Variants in GOLGA4 observed in about 807,000 individuals in gnomAD.
GOLGA4 encodes the protein golgin subfamily A member 4.
In GOLGA4, 169 loss-of-function variants were observed where a neutral mutation model predicts 265.9. The observed-to-expected ratio is 0.64, with a 90% confidence interval of 0.56 to 0.72. GOLGA4 has a LOEUF of 0.72. GOLGA4 is among the 30% of genes least tolerant of loss of function. GOLGA4 has a pLI of 0.00. For missense variants in GOLGA4, 2,482 were observed against 2,483.4 expected, an observed-to-expected ratio of 1.00 and a Z score of 0.01; for synonymous variants, 923 against 855.8, an observed-to-expected ratio of 1.08 and a Z score of -1.37.
At chr3:37,360,081 T>C (rs1318128326) in intron 22 of GOLGA4, among the ~76,000 whole-genome samples, 1 of 152,218 alleles carries the variant, frequency 6.6e-6, no homozygotes, top group Non-Finnish European at 1.5e-5. Flanking sequence ...GTTTGGGGAA[T>C]ATCTCCATGT....
chr3:37,292,381 A>C (rs1042955561), intron 5 of GOLGA4, among the ~76,000 whole-genome samples: 2 of 152,108 alleles, frequency 1.3e-5, no homozygotes, highest in African/African-American at 4.8e-5. Flanking sequence ...TATTGCCATT[A>C]TTTCATTAAA....
At chr3:37,364,489 G>A (rs1231671002) in intron 23 of GOLGA4, among the ~76,000 whole-genome samples, 1 of 151,788 alleles carries the variant, frequency 6.6e-6, no homozygotes, top group African/African-American at 2.4e-5. Flanking sequence ...TGATCCACCT[G>A]CCTTGGCCTC....
At position 37,281,879 on chromosome 3, in the gene GOLGA4, G is replaced by T. The variant is rs557723083; in HGVS notation, c.163-79G>T. The T allele has an allele frequency of 4.7e-5, 45 of 950,752 alleles. No individual in the cohort carries two copies. The South Asian group carries it at 7.0e-4, about 15-fold the overall frequency. 58.9% of individuals were successfully genotyped at this position (950,752 alleles called of 1,614,324 possible). On this transcript the variant is annotated intron_variant, in intron 2 of 23. Coordinates refer to ENST00000361924, the MANE Select transcript of GOLGA4 (RefSeq NM_002078.5). ...ATTCAACTTGTTAGAACTTTTATTA[G>T]ATTATTGCTGGTGATGGGGTAATGG...
chr3:37,243,910 C>T, intron 1 of GOLGA4: 1 of 444,362 alleles, frequency 2.3e-6, no homozygotes, highest in Non-Finnish European at 4.0e-6. Flanking sequence ...GGCCAGAGTC[C>T]GAACTTGCAT....
chr3:37,292,740 A>T (rs1053254441), intron 5 of GOLGA4, among the ~76,000 whole-genome samples: 1 of 152,192 alleles, frequency 6.6e-6, no homozygotes, highest in Non-Finnish European at 1.5e-5. Flanking sequence ...TCCCAGGATA[A>T]AGTAACAGCT....
chr3:37,285,991 T>C (rs2096847453), intron 3 of GOLGA4, 23 bp from the exon 4 acceptor site: 1 of 1,419,482 alleles, frequency 7.0e-7, no homozygotes, highest in African/African-American at 1.4e-5. Flanking sequence ...GAATGACTAA[T>C]GTTGTTGATG....
intron 10 of GOLGA4, among the ~76,000 whole-genome samples, chr3:37,314,642 A>AACAC (rs60890140): frequency 0.07 from 9,780 of 138,934 alleles, 521 homozygotes; most frequent in African/African-American, 0.14. Flanking sequence ...CTCCGTCTCA[A>AACAC]ACACACACAC....
intron 21 of GOLGA4, among the ~76,000 whole-genome samples, chr3:37,349,041 T>G (rs1174473731): frequency 6.6e-6 from 1 of 152,154 alleles, no homozygotes; most frequent in Non-Finnish European, 1.5e-5. Flanking sequence ...AGTAGTGCTC[T>G]CTCTCCTCTT....
At position 37,327,728 on chromosome 3, in the gene GOLGA4, A is replaced by T; in HGVS notation, c.5842A>T (p.Arg1948Ter). 1 of 1,613,744 alleles carries T rather than the reference A, an allele frequency of 6.2e-7. No individual in the cohort carries two copies. Among genetic ancestry groups the T allele is most frequent in the Non-Finnish European group, 8.5e-7 (1 of 1,179,652 alleles). ...EKQKLGKEIV[R>*]LQKDLRMLRK... Reference sequence around the variant, plus strand: ...ACAGAAACTGGGCAAGGAGATTGTTAGATTGCAGAAAGACCTTCGAATGTT... The same window carrying T: ...ACAGAAACTGGGCAAGGAGATTGTTTGATTGCAGAAAGACCTTCGAATGTT... Residue 1948 changes from arginine (R) to a stop codon, truncating the protein, a stop_gained, in exon 14 of 24, where the codon AGA becomes TGA. Transcript: ENST00000361924. LOFTEE classifies it high-confidence loss of function.
chr3:37,282,445 A>T (rs2096837380), intron 3 of GOLGA4, among the ~76,000 whole-genome samples, 173 bp downstream of exon 3: 2 of 152,204 alleles, frequency 1.3e-5, no homozygotes, highest in African/African-American at 2.4e-5. Flanking sequence ...CTCAATATCT[A>T]GTTAAGTAAA....
At chr3:37,337,772 G>C (rs754122846) in intron 19 of GOLGA4, 38 bp downstream of exon 19, 1 of 1,331,376 alleles carries the variant, frequency 7.5e-7, no homozygotes, top group African/African-American at 1.4e-5. Context: ...TTGAACTAAA[G>C]TTTCGTTAAT....
At chr3:37,252,910 A>T (rs2096737952) in intron 2 of GOLGA4, among the ~76,000 whole-genome samples, 1 of 152,090 alleles carries the variant, frequency 6.6e-6, no homozygotes, top group Admixed American at 6.6e-5. Context: ...TCTTCCACTC[A>T]GTGGCTTGCC....
intron 19 of GOLGA4, 77 bp from the exon 20 acceptor site, chr3:37,340,047 G>A (rs1578788253): frequency 1.5e-6 from 1 of 647,858 alleles, no homozygotes; most frequent in Admixed American, 2.7e-5. Flanking sequence ...AAAACCTTGT[G>A]GTGACAGCAA....
chr3:37,359,687 C>T (rs1167031186), intron 22 of GOLGA4, among the ~76,000 whole-genome samples: 2 of 152,008 alleles, frequency 1.3e-5, no homozygotes, highest in Non-Finnish European at 2.9e-5. Flanking sequence ...GTCTTGTGTT[C>T]TCTTAACGTC....
At chr3:37,330,887 G>A (rs1483730712) in intron 16 of GOLGA4, among the ~76,000 whole-genome samples, 2 of 152,092 alleles carry the variant, frequency 1.3e-5, no homozygotes, top group African/African-American at 4.8e-5. Context: ...AAATTAGCCA[G>A]GTGTGGTGGC....
intron 2 of GOLGA4, chr3:37,276,162 A>G: frequency 4.4e-6 from 7 of 1,600,544 alleles, no homozygotes; most frequent in Admixed American, 1.7e-5. Flanking sequence ...ACAGGGGATG[A>G]CTACATTGCA....
chr3:37,325,805 A>G lies in GOLGA4; in HGVS notation c.3919A>G (p.Lys1307Glu). 1 of 1,612,848 alleles carries G rather than the reference A, an allele frequency of 6.2e-7. No homozygotes were observed. Among genetic ancestry groups the G allele is most frequent in the Non-Finnish European group, 8.5e-7 (1 of 1,179,108 alleles). The part of the protein sequence containing the change: ...HQLEEKENQI[K>E]SMKADIESLV... The stretch of plus-strand genomic sequence containing the variant: ...GTTAGAAGAAAAAGAAAATCAAATT[A>G]AGAGCATGAAGGCTGATATTGAAAG... The change falls in exon 14 of 24, where the codon AAG (lysine) becomes GAG (glutamate). Residue 1307 changes from lysine (K) to glutamate (E), a missense_variant. Coordinates refer to ENST00000361924, the MANE Select transcript of GOLGA4 (RefSeq NM_002078.5).
chr3:37,355,329 G>A (rs935821039), intron 22 of GOLGA4, 142 bp downstream of exon 22: 6 of 577,284 alleles, frequency 1.0e-5, no homozygotes, highest in African/African-American at 1.9e-5. Context: ...AAATGAGAGT[G>A]AATTTACACT....
At chr3:37,357,370 T>A (rs575485773) in intron 22 of GOLGA4, among the ~76,000 whole-genome samples, 1 of 152,186 alleles carries the variant, frequency 6.6e-6, no homozygotes, top group Non-Finnish European at 1.5e-5. Context: ...ATAGAAGATA[T>A]GGAAGACATT....
Sources: allele counts gnomAD v4.1 joint callset (sites outside exome capture counted in the v4.1 genomes callset), GRCh38; gene constraint gnomAD v4.1.1; transcripts MANE v1.5; gene names NCBI Gene and HGNC (gene_info 2026-07-23, HGNC 2026-07-21).